The following LRMDA variants were observed in gnomAD, a reference collection of about 807,000 sequenced individuals.
The protein encoded by LRMDA is leucine rich melanocyte differentiation associated, also known as leucine-rich melanocyte differentiation-associated protein.
In LRMDA, 18 loss-of-function variants were observed where a neutral mutation model predicts 29.8. The observed-to-expected ratio is 0.60, with a 90% confidence interval of 0.42 to 0.90. The LOEUF (loss-of-function observed/expected upper bound fraction) is 0.90, where lower values mean the gene tolerates loss of function less well. LRMDA is among the 40% of genes least tolerant of loss of function. The pLI, the probability that LRMDA is intolerant of heterozygous loss-of-function variation, is 0.00. For synonymous variants in LRMDA, 125 were observed against 109.4 expected (o/e 1.14, Z -0.89); for missense variants, 273 against 273.9 (o/e 1.00, Z 0.02).
chr10:75,558,453 A>G lies in LRMDA; in HGVS notation c.131+119959A>G, dbSNP rs1393156266. ...TCTACATTCAGTCATTGATTCAGTC[A>G]TTATCAGTCATGTGACTTCTGTCTT... On this transcript the variant is annotated intron_variant, in intron 2 of 6. Transcript: ENST00000611255. Among the ~76,000 whole-genome samples, 4 of 152,182 alleles carry G rather than the reference A, an allele frequency of 2.6e-5. No individual in the cohort carries two copies. The East Asian group carries it at 5.8e-4, about 22-fold the overall frequency.
Position 75,629,514 on chromosome 10 carries a change from C to T in LRMDA, c.131+191020C>T, listed in dbSNP as rs16932425. On this transcript the variant is annotated intron_variant, in intron 2 of 6. Transcript: ENST00000611255. ...CACGTTATTATCTCACTGTCTATCC[C>T]GAGTGTTATAGCCTCACAACGACTT... Among the ~76,000 whole-genome samples the T allele has an allele frequency of 1.1e-3, 163 of 152,274 alleles. No individual in the cohort carries two copies. The East Asian group carries it at 0.026, about 25-fold the overall frequency.
intron 3 of LRMDA, among the ~76,000 whole-genome samples, chr10:76,038,144 A>G (rs1848282740): frequency 6.6e-6 from 1 of 152,190 alleles, no homozygotes; most frequent in African/African-American, 2.4e-5. Context: ...ATTAGGGTCC[A>G]TGGACTTTGG....
At chr10:76,447,151 A>C (rs1842362041) in intron 6 of LRMDA, among the ~76,000 whole-genome samples, 1 of 147,564 alleles carries the variant, frequency 6.8e-6, no homozygotes, top group Non-Finnish European at 1.5e-5. Flanking sequence ...AACCATGGAA[A>C]CTCTTGCGTT....
chr10:76,458,202 T>C (rs1033191188), intron 6 of LRMDA, among the ~76,000 whole-genome samples: 2 of 151,314 alleles, frequency 1.3e-5, no homozygotes, highest in African/African-American at 4.8e-5. Context: ...TGAGCACCCA[T>C]AGAGGGGAGT....
intron 2 of LRMDA, among the ~76,000 whole-genome samples, chr10:75,676,068 T>TG (rs1841956424): frequency 6.6e-6 from 1 of 151,570 alleles, no homozygotes; most frequent in Non-Finnish European, 1.5e-5. Flanking sequence ...CCAGGTGTGG[T>TG]GGGGAGAGGG....
At chr10:75,824,887 A>T in intron 2 of LRMDA, among the ~76,000 whole-genome samples, 1 of 152,206 alleles carries the variant, frequency 6.6e-6, no homozygotes, top group East Asian at 1.9e-4. Context: ...AGGGACAAAC[A>T]TATGGACTGA....
chr10:76,530,388 A>G (rs562254634), intron 6 of LRMDA, among the ~76,000 whole-genome samples: 14 of 152,178 alleles, frequency 9.2e-5, no homozygotes, highest in Admixed American at 6.6e-4. Flanking sequence ...GAACATAAAC[A>G]CTATGCCCAA....
At chr10:75,735,993 T>C (rs1842757969) in intron 2 of LRMDA, among the ~76,000 whole-genome samples, 1 of 152,026 alleles carries the variant, frequency 6.6e-6, no homozygotes, top group East Asian at 1.9e-4. Flanking sequence ...AAGGGTAAGA[T>C]AGTGAGAGGA....
chr10:76,407,463 G>A (rs1841914437), intron 6 of LRMDA, among the ~76,000 whole-genome samples: 1 of 152,142 alleles, frequency 6.6e-6, no homozygotes, highest in Non-Finnish European at 1.5e-5. Flanking sequence ...AGAAGTTACT[G>A]GGACCAGTTT....
At chr10:76,415,777 GC>G (rs1338539088) in intron 6 of LRMDA, among the ~76,000 whole-genome samples, 1 of 152,102 alleles carries the variant, frequency 6.6e-6, no homozygotes. Context: ...GTCCTTTATT[GC>G]CCATCATAGC....
At chr10:75,859,661 G>A (rs918705661) in intron 2 of LRMDA, among the ~76,000 whole-genome samples, 1 of 144,930 alleles carries the variant, frequency 6.9e-6, no homozygotes, top group Non-Finnish European at 1.5e-5. Context: ...ATCTGGCCTC[G>A]ATGCCTCATA....
At chr10:76,221,965 C>T (rs1401118021) in intron 5 of LRMDA, among the ~76,000 whole-genome samples, 1 of 150,740 alleles carries the variant, frequency 6.6e-6, no homozygotes, top group African/African-American at 2.5e-5. Context: ...AATAACGCCA[C>T]GTATCTACAA....
chr10:75,478,702 C>T (rs752159980), intron 2 of LRMDA, among the ~76,000 whole-genome samples: 3 of 152,080 alleles, frequency 2.0e-5, no homozygotes, highest in Non-Finnish European at 4.4e-5. Context: ...TCCAAAAAGA[C>T]CATTTTTTTC....
intron 5 of LRMDA, among the ~76,000 whole-genome samples, chr10:76,091,962 C>T (rs1169155122): frequency 2.0e-5 from 3 of 152,186 alleles, no homozygotes; most frequent in African/African-American, 4.8e-5. Context: ...GTTGGGATTA[C>T]AGATGTGAGC....
chr10:75,631,404 C>CT (rs1329238235), intron 2 of LRMDA, among the ~76,000 whole-genome samples: 1 of 135,642 alleles, frequency 7.4e-6, no homozygotes, highest in African/African-American at 3.8e-5. Flanking sequence ...CCTCACTGCA[C>CT]CCCCCCCGCC....
chr10:76,206,137 TTTAACCTCCAGGAGC>T (rs1396195844), intron 5 of LRMDA, among the ~76,000 whole-genome samples: 1 of 152,074 alleles, frequency 6.6e-6, no homozygotes, highest in Non-Finnish European at 1.5e-5. Context: ...AGAAAGGGAG[TTTAACCTCCAGGAGC>T]TGAACTCAGC....
chr10:76,220,095 A>T (rs1851802160), intron 5 of LRMDA, among the ~76,000 whole-genome samples: 1 of 152,238 alleles, frequency 6.6e-6, no homozygotes, highest in Non-Finnish European at 1.5e-5. Context: ...ACATACCAGA[A>T]TCTCTGGGAA....
At position 75,782,353 on chromosome 10, in the gene LRMDA, C is replaced by T. The variant is rs542337834; in HGVS notation, c.132-253655C>T. Among the ~76,000 whole-genome samples the T allele has an allele frequency of 3.3e-5, 5 of 152,232 alleles. No homozygotes were observed. The East Asian group carries it at 9.7e-4, about 29-fold the overall frequency. On this transcript the variant is annotated intron_variant, in intron 2 of 6. Transcript: ENST00000611255. ...ATTCACCTGAAATGAATTAGAAAAA[C>T]CACCTTTTTAAAATAAGTTCAGTTT...
At chr10:75,540,200 C>A (rs568261280) in intron 2 of LRMDA, among the ~76,000 whole-genome samples, 1 of 152,150 alleles carries the variant, frequency 6.6e-6, no homozygotes, top group African/African-American at 2.4e-5. Flanking sequence ...GGGAGGGCTG[C>A]TCTGAGAAGT....
Sources: gnomAD v4.1 joint callset for allele counts (sites outside exome capture counted in the v4.1 genomes callset) on GRCh38, gnomAD v4.1.1 for gene constraint, MANE v1.5 for transcripts, NCBI Gene and HGNC (gene_info 2026-07-23, HGNC 2026-07-21) for gene names.